RACGAP1: variants seen among roughly 807,000 people sequenced by gnomAD.
RACGAP1 encodes rac GTPase-activating protein 1.
RACGAP1 carries 30 observed loss-of-function variants against 78.1 expected under a neutral mutation model. That is an observed-to-expected ratio of 0.38 (90% confidence interval 0.29 to 0.52). The LOEUF is 0.52. RACGAP1 is among the 20% of genes least tolerant of loss of function. The pLI, the probability that RACGAP1 is intolerant of heterozygous loss-of-function variation, is 0.82. For synonymous variants in RACGAP1, 231 were observed against 264.8 expected (o/e 0.87, Z 1.24); for missense variants, 587 against 777.1 (o/e 0.76, Z 2.91).
rs1947724413 is a variant in RACGAP1, at chr12:49,989,965, A to G, written c.*303T>C. Reference sequence around the variant, plus strand: ...CAGCATTTGGCTTTAAGCCAAAGGAACAATAACCCCCTTCCCCAAAAAGAA... The same window carrying G: ...CAGCATTTGGCTTTAAGCCAAAGGAGCAATAACCCCCTTCCCCAAAAAGAA... On this transcript the variant is annotated 3_prime_UTR_variant, in exon 17 of 17. Transcript: ENST00000312377. The G allele has an allele frequency of 3.4e-6, 1 of 291,130 alleles. No homozygotes were observed. The highest frequency in any genetic ancestry group is 6.4e-6 in the Non-Finnish European group (1 of 156,150). The allele number at this position is 291,130 out of a possible 1,614,324, so 18.0% of individuals were successfully genotyped here.
intron 15 of RACGAP1, 142 bp downstream of exon 15, chr12:49,991,856 A>G: frequency 6.7e-7 from 1 of 1,502,106 alleles, no homozygotes. Flanking sequence ...GGAAAAGCAA[A>G]AAAAAATTAC....
At chr12:50,028,497 G>A (rs1187063934), upstream of RACGAP1, among the ~76,000 whole-genome samples, 1 of 152,222 alleles carries the variant, frequency 6.6e-6, no homozygotes, top group Admixed American at 6.5e-5. Context: ...GGCTGGGCGA[G>A]GTGGCTTACG....
intron 1 of RACGAP1, among the ~76,000 whole-genome samples, chr12:50,022,608 A>G (rs1950070454): frequency 6.6e-6 from 1 of 152,150 alleles, no homozygotes; most frequent in Non-Finnish European, 1.5e-5. Context: ...GAAAACAAAA[A>G]CAAAAAATTA....
chr12:50,024,719 C>T (rs904114070), intron 1 of RACGAP1, among the ~76,000 whole-genome samples: 1 of 151,934 alleles, frequency 6.6e-6, no homozygotes, highest in Non-Finnish European at 1.5e-5. Context: ...ACAGGAAAGG[C>T]GCCTTCTCTA....
intron 2 of RACGAP1, among the ~76,000 whole-genome samples, chr12:50,015,058 A>AG (rs1314485193): frequency 8.0e-5 from 12 of 150,324 alleles, no homozygotes; most frequent in Non-Finnish European, 1.6e-4. Flanking sequence ...AAAAAAAAAA[A>AG]AGAGAGAGAT....
At chr12:49,994,597 A>G in intron 10 of RACGAP1, 88 bp from the exon 11 acceptor site, 1 of 1,502,840 alleles carries the variant, frequency 6.7e-7, no homozygotes, top group Non-Finnish European at 8.9e-7. Flanking sequence ...CTCCAATCTT[A>G]TTCTCAAACT....
chr12:49,991,862 AT>A, intron 15 of RACGAP1, 135 bp downstream of exon 15: 1 of 1,511,984 alleles, frequency 6.6e-7, no homozygotes, highest in Non-Finnish European at 8.8e-7. Context: ...GCAAAAAAAA[AT>A]TACGATGGTA....
At chr12:49,991,477 A>ATATATATATATATATATT (rs1947854540) in intron 15 of RACGAP1, among the ~76,000 whole-genome samples, 1 of 36,982 alleles carries the variant, frequency 2.7e-5, no homozygotes, top group Non-Finnish European at 5.8e-5. Flanking sequence ...ATATATATAT[A>ATATATATATATATATATT]TATTTTTTTT....
chr12:50,010,318 C>CTT (rs370154975), intron 2 of RACGAP1, among the ~76,000 whole-genome samples: 14,433 of 142,606 alleles, frequency 0.1, 915 homozygotes, highest in African/African-American at 0.16. Context: ...CTTTTTTTAA[C>CTT]TTTTTTTTTT....
chr12:50,008,438 A>AT (rs1290756984), intron 2 of RACGAP1, among the ~76,000 whole-genome samples: 1 of 152,000 alleles, frequency 6.6e-6, no homozygotes, highest in Non-Finnish European at 1.5e-5. Flanking sequence ...ACCTCAGGTG[A>AT]TTCACCTGCC....
chr12:50,004,366 C>T lies in RACGAP1; in HGVS notation c.426-62G>A, dbSNP rs1948852141. ...GACTGTGGAATGTAAAATTCACCAA[C>T]ATTCAGAACAAGTCCTACTGGTCAG... is the stretch of plus-strand genomic sequence containing the variant. On this transcript the variant is annotated intron_variant, in intron 4 of 16. Transcript: ENST00000312377. 2.6e-6 allele frequency: 4 copies of T among 1,551,458 alleles called. No homozygotes were observed. The South Asian group carries it at 3.5e-5, about 14-fold the overall frequency.
rs979866722 is a variant in RACGAP1, at chr12:49,999,528, C to A, written c.748+88G>T. 1.0e-5 allele frequency: 12 copies of A among 1,202,748 alleles called. No homozygotes were observed. The African/African-American group carries it at 1.7e-4, about 17-fold the overall frequency. The allele number at this position is 1,202,748 out of a possible 1,614,324, so 74.5% of individuals were successfully genotyped here. On this transcript the variant is annotated intron_variant, in intron 8 of 16. Coordinates refer to ENST00000312377, the MANE Select transcript of RACGAP1 (RefSeq NM_001319999.2). Reference sequence around the variant, plus strand: ...AAGAAACTACCCAATACATCCAATCCCCGCCTCCAGAGGGTTCTAAGAAAC... The same window carrying A: ...AAGAAACTACCCAATACATCCAATCACCGCCTCCAGAGGGTTCTAAGAAAC...
chr12:50,033,142 A>C (rs1332790821), upstream of RACGAP1: 1 of 152,510 alleles, frequency 6.6e-6, no homozygotes, highest in Non-Finnish European at 1.5e-5. Flanking sequence ...TCCGCCTCCC[A>C]TGGCCTTCTC....
At position 49,990,308 on chromosome 12, in the gene RACGAP1, C is replaced by G. The variant is rs1422563597; in HGVS notation, c.1859G>C (p.Gly620Ala). Residue 620 changes from glycine (G) to alanine (A), a missense_variant, in exon 17 of 17, where the codon GGA (glycine) becomes GCA (alanine). Coordinates refer to ENST00000312377, the MANE Select transcript of RACGAP1 (RefSeq NM_001319999.2). ...AGAAGCAAAAAAGTTGCCTTGTCGT[C>G]CTAGGTTAGTGGCAGACTTGCTTTT... ...GSKSKSATNL[G>A]RQGNFFASPM... 3.1e-6 allele frequency: 5 copies of G among 1,613,884 alleles called. No individual in the cohort carries two copies. The highest frequency in any genetic ancestry group is 4.2e-6 in the Non-Finnish European group (5 of 1,179,834).
intron 9 of RACGAP1, among the ~76,000 whole-genome samples, chr12:49,997,766 C>T (rs1330413403): frequency 2.0e-5 from 3 of 151,748 alleles, no homozygotes; most frequent in South Asian, 4.2e-4. Flanking sequence ...TTAGTAGAGA[C>T]GGGGTTTCTC....
intron 15 of RACGAP1, among the ~76,000 whole-genome samples, chr12:49,991,479 AT>A (rs1197357619): frequency 5.0e-4 from 12 of 24,084 alleles, no homozygotes; most frequent in African/African-American, 1.3e-3. Context: ...ATATATATAT[AT>A]TTTTTTTTTT....
chr12:50,001,766 T>A (rs1411296375), intron 6 of RACGAP1, among the ~76,000 whole-genome samples: 1 of 152,178 alleles, frequency 6.6e-6, no homozygotes, highest in East Asian at 1.9e-4. Context: ...AGTTACTACT[T>A]CAAAGAGTAC....
At chr12:50,020,754 A>G (rs1949964656) in intron 1 of RACGAP1, among the ~76,000 whole-genome samples, 1 of 152,224 alleles carries the variant, frequency 6.6e-6, no homozygotes, top group Non-Finnish European at 1.5e-5. Context: ...ACCCAGACCA[A>G]GAAGAATCAA....
At chr12:50,017,302 G>A (rs1337331974) in intron 1 of RACGAP1, among the ~76,000 whole-genome samples, 3 of 152,168 alleles carry the variant, frequency 2.0e-5, no homozygotes, top group Non-Finnish European at 2.9e-5. Context: ...GCTCTCTGCT[G>A]GGCTGCGTGC....
Sources: allele counts gnomAD v4.1 joint callset (sites outside exome capture counted in the v4.1 genomes callset), GRCh38; gene constraint gnomAD v4.1.1; transcripts MANE v1.5; gene names NCBI Gene and HGNC (gene_info 2026-07-23, HGNC 2026-07-21).